ARHGAP26: variants seen among roughly 807,000 people sequenced by gnomAD.
ARHGAP26 encodes the protein Rho GTPase activating protein 26.
ARHGAP26 carries 38 observed loss-of-function variants against 104.8 expected under a neutral mutation model. That is an observed-to-expected ratio of 0.36 (90% CI 0.28 to 0.48). The LOEUF is 0.48. Ranked by LOEUF, ARHGAP26 falls within the 20% of genes least tolerant of loss-of-function variation. The pLI is 0.99. For missense variants in ARHGAP26, 704 were observed against 947.9 expected (o/e 0.74, Z 3.38); for synonymous variants, 341 against 340.0 (o/e 1.00, Z -0.03).
At chr5:143,009,660 T>C (rs1245285292) in intron 11 of ARHGAP26, among the ~76,000 whole-genome samples, 2 of 152,240 alleles carry the variant, frequency 1.3e-5, no homozygotes, top group Non-Finnish European at 2.9e-5. Flanking sequence ...AGTAAACACA[T>C]GTAATTTCTC....
chr5:142,890,960 C>T (rs957251307), intron 5 of ARHGAP26, among the ~76,000 whole-genome samples: 3 of 149,860 alleles, frequency 2.0e-5, no homozygotes, highest in Non-Finnish European at 4.4e-5. Context: ...CTTCTGGATC[C>T]TTCTTCTCTG....
intron 11 of ARHGAP26, among the ~76,000 whole-genome samples, chr5:142,950,446 A>G (rs560888755): frequency 6.6e-6 from 1 of 152,226 alleles, no homozygotes; most frequent in South Asian, 2.1e-4. Flanking sequence ...TGTACTTGCA[A>G]GAAAGAGAAG....
intron 17 of ARHGAP26, among the ~76,000 whole-genome samples, chr5:143,101,877 A>G (rs572125662): frequency 6.7e-6 from 1 of 150,146 alleles, no homozygotes; most frequent in Non-Finnish European, 1.5e-5. Flanking sequence ...TTTTTCTTCC[A>G]TAATGGCTTA....
chr5:143,031,830 A>G (rs1012042701), intron 12 of ARHGAP26, among the ~76,000 whole-genome samples: 4 of 151,950 alleles, frequency 2.6e-5, no homozygotes, highest in African/African-American at 9.7e-5. Context: ...AAGCGATTCA[A>G]GCCTCCTCCT....
chr5:142,964,048 A>T (rs1157981010), intron 11 of ARHGAP26, among the ~76,000 whole-genome samples: 1 of 152,244 alleles, frequency 6.6e-6, no homozygotes, highest in South Asian at 2.1e-4. Flanking sequence ...TGGTATTTTG[A>T]TGGACTTAGT....
intron 11 of ARHGAP26, among the ~76,000 whole-genome samples, chr5:143,006,316 C>CTGTTTTTTTTTT (rs772059084): frequency 1.8e-5 from 2 of 112,864 alleles, no homozygotes; most frequent in Admixed American, 9.4e-5. Flanking sequence ...AGTGTTTTTT[C>CTGTTTTTTTTTT]TTTTTTTTTT....
chr5:142,808,794 A>G (rs1356189526), intron 1 of ARHGAP26, among the ~76,000 whole-genome samples: 3 of 152,142 alleles, frequency 2.0e-5, no homozygotes, highest in South Asian at 2.1e-4. Context: ...AACCCCTTCT[A>G]TCACCGCGGA....
chr5:143,207,063 C>G (rs1037675948), intron 20 of ARHGAP26, 135 bp from the exon 21 acceptor site: 3 of 1,013,410 alleles, frequency 3.0e-6, no homozygotes, highest in Non-Finnish European at 4.4e-6. Flanking sequence ...TGACATGGCC[C>G]TGACAGCACA....
intron 11 of ARHGAP26, among the ~76,000 whole-genome samples, chr5:142,980,221 G>A (rs755396270): frequency 6.6e-6 from 1 of 152,154 alleles, no homozygotes; most frequent in African/African-American, 2.4e-5. Context: ...ATGTTTCCAT[G>A]TAGCAGTAGT....
chr5:143,194,978 T>A (rs1046128904), intron 20 of ARHGAP26, among the ~76,000 whole-genome samples: 1 of 151,994 alleles, frequency 6.6e-6, no homozygotes, highest in African/African-American at 2.4e-5. Context: ...ATAAATGGAG[T>A]AGAGAAGAAG....
intron 11 of ARHGAP26, among the ~76,000 whole-genome samples, chr5:142,973,076 C>T (rs1276980335): frequency 6.6e-6 from 1 of 151,908 alleles, no homozygotes; most frequent in African/African-American, 2.4e-5. Flanking sequence ...TGGTAATTCC[C>T]CCTAGTCCAG....
chr5:142,921,266 C>A (rs1274888371), intron 10 of ARHGAP26, among the ~76,000 whole-genome samples: 1 of 152,066 alleles, frequency 6.6e-6, no homozygotes, highest in Non-Finnish European at 1.5e-5. Flanking sequence ...TTTTATATAC[C>A]TCTGTTCAAT....
At chr5:143,029,563 C>A (rs531342571) in intron 12 of ARHGAP26, among the ~76,000 whole-genome samples, 1 of 148,632 alleles carries the variant, frequency 6.7e-6, no homozygotes, top group Admixed American at 6.6e-5. Flanking sequence ...CACCACCATG[C>A]CCAGCAAATT....
chr5:142,919,175 G>A (rs1211505969), intron 10 of ARHGAP26: 2 of 398,280 alleles, frequency 5.0e-6, no homozygotes, highest in African/African-American at 2.1e-5. Flanking sequence ...ATTAGGGTGG[G>A]CCTTAATGCG....
chr5:143,107,880 G>A (rs1349720928), intron 17 of ARHGAP26, among the ~76,000 whole-genome samples: 2 of 152,180 alleles, frequency 1.3e-5, no homozygotes, highest in Non-Finnish European at 2.9e-5. Flanking sequence ...TGCCACCTTT[G>A]AGGAGGATAA....
chr5:142,844,293 C>T (rs1300542595), intron 1 of ARHGAP26, among the ~76,000 whole-genome samples: 1 of 151,856 alleles, frequency 6.6e-6, no homozygotes, highest in African/African-American at 2.4e-5. Context: ...TCAGGTGATC[C>T]GCCTGCCTCG....
At chr5:142,847,425 T>G (rs2152237668) in intron 1 of ARHGAP26, among the ~76,000 whole-genome samples, 1 of 152,056 alleles carries the variant, frequency 6.6e-6, no homozygotes, top group African/African-American at 2.4e-5. Context: ...TGGCGCGATC[T>G]CGGCTCACAG....
chr5:142,885,526 C>T, intron 5 of ARHGAP26, 127 bp downstream of exon 5: 1 of 715,346 alleles, frequency 1.4e-6, no homozygotes, highest in Non-Finnish European at 2.3e-6. Context: ...GGAGATTGCT[C>T]CTGATCCCTC....
At chr5:142,785,428 A>G (rs1361071687) in intron 1 of ARHGAP26, among the ~76,000 whole-genome samples, 1 of 152,172 alleles carries the variant, frequency 6.6e-6, no homozygotes, top group Non-Finnish European at 1.5e-5. Context: ...ACTAATGCAC[A>G]CTCACTGCCG....
Sources: gnomAD v4.1 joint callset for allele counts (sites outside exome capture counted in the v4.1 genomes callset) on GRCh38, gnomAD v4.1.1 for gene constraint, MANE v1.5 for transcripts, NCBI Gene and HGNC (gene_info 2026-07-23, HGNC 2026-07-21) for gene names.